ANXA2: variants seen among roughly 807,000 people sequenced by gnomAD.
ANXA2 encodes the protein annexin II.
Under a neutral mutation model 47.3 loss-of-function variants are expected in ANXA2, and 28 were observed. That is an observed-to-expected ratio of 0.59 (90% CI 0.44 to 0.81). ANXA2 has a LOEUF of 0.81. ANXA2 is among the 40% of genes least tolerant of loss of function. ANXA2 has a pLI of 0.00. For missense variants in ANXA2, 384 were observed against 414.3 expected (o/e 0.93, Z 0.64); for synonymous variants, 172 against 155.5 (o/e 1.11, Z -0.79).
chr15:60,387,042 C>A (rs2062942579), intron 1 of ANXA2: 1 of 152,212 alleles, frequency 6.6e-6, no homozygotes, highest in Admixed American at 6.6e-5. Context: ...GCTTTCTATT[C>A]TCTTCACTTT....
At chr15:60,368,565 TA>T (rs749300788) in intron 3 of ANXA2, among the ~76,000 whole-genome samples, 385 of 140,052 alleles carry the variant, frequency 2.7e-3, no homozygotes, top group Non-Finnish European at 3.2e-3. Context: ...TACTGTTAAG[TA>T]AAAAAAAAAA....
intron 7 of ANXA2, among the ~76,000 whole-genome samples, chr15:60,354,426 G>A (rs191837257): frequency 6.6e-6 from 1 of 152,100 alleles, no homozygotes; most frequent in Non-Finnish European, 1.5e-5. Context: ...CAGATCACGA[G>A]GTCAGGAGAT....
intron 1 of ANXA2, chr15:60,386,782 C>G (rs1545541): frequency 0.8 from 121,285 of 152,178 alleles, 48,917 homozygotes; most frequent in East Asian, 1. Flanking sequence ...TGGCTTTCCA[C>G]CTTTGCAATC....
At chr15:60,373,659 G>A (rs1169955625) in intron 3 of ANXA2, among the ~76,000 whole-genome samples, 2 of 152,190 alleles carry the variant, frequency 1.3e-5, no homozygotes, top group Non-Finnish European at 2.9e-5. Flanking sequence ...GAAACTCCAT[G>A]GGACTCAGAC....
chr15:60,374,560 A>C, intron 3 of ANXA2: 1 of 455,916 alleles, frequency 2.2e-6, no homozygotes, highest in South Asian at 1.5e-5. Context: ...AAAAGAGCTA[A>C]CTGTTTTTTA....
At chr15:60,374,069 T>C (rs966630050) in intron 3 of ANXA2, among the ~76,000 whole-genome samples, 1 of 152,130 alleles carries the variant, frequency 6.6e-6, no homozygotes, top group Non-Finnish European at 1.5e-5. Context: ...TCGGGGAAAG[T>C]GTAGTTTAGC....
At chr15:60,351,377 A>C in intron 10 of ANXA2, 126 bp from the exon 11 acceptor site, 1 of 919,828 alleles carries the variant, frequency 1.1e-6, no homozygotes, top group South Asian at 1.4e-5. Flanking sequence ...AGGGCTGCAA[A>C]ATAGGACAGG....
intron 2 of ANXA2, among the ~76,000 whole-genome samples, chr15:60,385,275 A>G (rs1210778567): frequency 6.6e-6 from 1 of 152,212 alleles, no homozygotes; most frequent in Admixed American, 6.5e-5. Flanking sequence ...TTTTTAAAGT[A>G]TAGGTCCTCG....
intron 3 of ANXA2, 92 bp from the exon 4 acceptor site, chr15:60,364,615 AT>A: frequency 1.1e-6 from 1 of 901,180 alleles, no homozygotes; most frequent in Non-Finnish European, 1.7e-6. Flanking sequence ...TCAAACTGAA[AT>A]TTATATACTG....
chr15:60,351,715 T>C lies in ANXA2; in HGVS notation c.778+9A>G. ...ATGTCTACCAGGAATGGGGGCCACA[T>C]TCACTTACCCAGGTTCAGGAAAGCA... On this transcript the variant is annotated intron_variant, in intron 10 of 12. Transcript: ENST00000451270. 6.3e-7 allele frequency: 1 copy of C among 1,588,456 alleles called. No individual in the cohort carries two copies. Among genetic ancestry groups the C allele is most frequent in the Non-Finnish European group, 8.6e-7 (1 of 1,156,864 alleles).
chr15:60,355,415 C>T (rs1020599020), intron 7 of ANXA2: 2 of 219,092 alleles, frequency 9.1e-6, no homozygotes, highest in East Asian at 1.3e-4. Flanking sequence ...TTAAGCTACA[C>T]GCTGGCCAGA....
intron 3 of ANXA2, among the ~76,000 whole-genome samples, chr15:60,370,290 G>A (rs981950315): frequency 3.3e-5 from 5 of 152,068 alleles, no homozygotes; most frequent in Admixed American, 6.5e-5. Flanking sequence ...CCCTCCTACC[G>A]CCCTGCCCAA....
chr15:60,355,712 C>T (rs1237094039), intron 7 of ANXA2: 3 of 626,070 alleles, frequency 4.8e-6, no homozygotes, highest in Non-Finnish European at 8.8e-6. Flanking sequence ...TCCCAAAGTC[C>T]ACTTGTCCAT....
chr15:60,393,823 A>G (rs972349386), intron 1 of ANXA2, among the ~76,000 whole-genome samples: 2 of 152,168 alleles, frequency 1.3e-5, no homozygotes, highest in Non-Finnish European at 2.9e-5. Context: ...CTGTTTCCTC[A>G]TAGGTCTGAG....
chr15:60,366,158 G>C (rs2062596378), intron 3 of ANXA2, among the ~76,000 whole-genome samples: 1 of 139,758 alleles, frequency 7.2e-6, no homozygotes, highest in Admixed American at 7.2e-5. Context: ...GTGCTCAATG[G>C]TGCCCAGGCT....
At chr15:60,380,311 G>A (rs1488389738) in intron 3 of ANXA2, among the ~76,000 whole-genome samples, 4 of 152,062 alleles carry the variant, frequency 2.6e-5, no homozygotes. Context: ...AAAGTTCCGT[G>A]TTTTCCCCAA....
At chr15:60,358,607 C>T (rs1001352694) in intron 5 of ANXA2, among the ~76,000 whole-genome samples, 2 of 152,168 alleles carry the variant, frequency 1.3e-5, no homozygotes, top group Admixed American at 1.3e-4. Flanking sequence ...CTTCATCTAA[C>T]CTTTGAGCCA....
chr15:60,380,824 A>AT (rs1415029011), intron 3 of ANXA2, among the ~76,000 whole-genome samples: 1 of 150,956 alleles, frequency 6.6e-6, no homozygotes, highest in Non-Finnish European at 1.5e-5. Context: ...AAAAAAAAAA[A>AT]AGATTTTTTT....
At position 60,347,255 on chromosome 15, in the gene ANXA2, G is replaced by C. The variant is rs1895757513; in HGVS notation, c.*375C>G. The C allele has an allele frequency of 3.9e-6, 1 of 258,812 alleles. No homozygotes were observed. Among genetic ancestry groups the C allele is most frequent in the African/African-American group, 2.2e-5 (1 of 44,954 alleles). The allele number at this position is 258,812 out of a possible 1,614,324, so 16.0% of individuals were successfully genotyped here. A position where few individuals can be genotyped will look rare whatever the true frequency, so the allele number is the denominator to read the frequency against. On this transcript the variant is annotated 3_prime_UTR_variant, in exon 13 of 13. Coordinates refer to ENST00000451270, the MANE Select transcript of ANXA2 (RefSeq NM_004039.3). ...AGTCCCAGAGCTTTCTTCCTACAGG[G>C]ACAGCCTCACCAGCTGAACCCCAAG...
Sources: allele counts gnomAD v4.1 joint callset (sites outside exome capture counted in the v4.1 genomes callset), GRCh38; gene constraint gnomAD v4.1.1; transcripts MANE v1.5; gene names NCBI Gene and HGNC (gene_info 2026-07-23, HGNC 2026-07-21).